The following DLGAP1 variants were observed in gnomAD, a reference collection of about 807,000 sequenced individuals.
DLGAP1 encodes the protein disks large-associated protein 1.
A neutral mutation model predicts 90.8 loss-of-function variants in DLGAP1; 11 were observed. The observed-to-expected ratio is 0.12, with a 90% CI of 0.08 to 0.20. The LOEUF (loss-of-function observed/expected upper bound fraction) is 0.20. DLGAP1 is among the 10% of genes least tolerant of loss of function. The pLI is 1.00. For synonymous variants in DLGAP1, 558 were observed against 540.7 expected (o/e 1.03, Z -0.44); for missense variants, 1,050 against 1,333.8 (o/e 0.79, Z 3.31).
chr18:4,294,407 T>G (rs943341906), intron 1 of DLGAP1: 1 of 151,910 alleles, frequency 6.6e-6, no homozygotes, highest in African/African-American at 2.4e-5. Context: ...CATTCAGAGG[T>G]GGGTATAAGT....
chr18:3,692,240 G>C (rs1320297803), intron 7 of DLGAP1, among the ~76,000 whole-genome samples: 1 of 152,168 alleles, frequency 6.6e-6, no homozygotes, highest in Non-Finnish European at 1.5e-5. Flanking sequence ...TACCAGAGGA[G>C]AGAAGTAATC....
intron 3 of DLGAP1, among the ~76,000 whole-genome samples, chr18:3,954,917 G>T (rs866818929): frequency 6.6e-6 from 1 of 152,150 alleles, no homozygotes; most frequent in Non-Finnish European, 1.5e-5. Flanking sequence ...GTTGCAGCGC[G>T]CAGACTCTCT....
rs1440970218 is a variant in DLGAP1 at position 3,660,530 on chromosome 18, C to T, written c.1591+68605G>A. 5.3e-5 allele frequency among the ~76,000 whole-genome samples: 8 copies of T among 152,294 alleles called. No individual in the cohort carries two copies. The highest frequency in any genetic ancestry group is 2.6e-4 in the Admixed American group (4 of 15,292). On this transcript the variant is annotated intron_variant, in intron 7 of 12. Transcript: ENST00000315677. This position sits in a 1 kb window ranked among gnomAD's most constrained non-coding sequence, Gnocchi z 4.2. ...TACTGAATGAAAAGGTGATCATTCC[C>T]GAGTATCCTCAAGGAGGATCTTATC...
chr18:3,539,830 T>A (rs1453981907), intron 9 of DLGAP1, among the ~76,000 whole-genome samples: 1 of 152,134 alleles, frequency 6.6e-6, no homozygotes, highest in African/African-American at 2.4e-5. Flanking sequence ...TTTAGGAGAG[T>A]AGCTTAGTCT....
chr18:3,651,563 C>T (rs904432798), intron 7 of DLGAP1, among the ~76,000 whole-genome samples: 6 of 151,840 alleles, frequency 4.0e-5, no homozygotes, highest in East Asian at 3.9e-4. Flanking sequence ...GAGGCCAAGG[C>T]GGTCAGATCA....
intron 5 of DLGAP1, among the ~76,000 whole-genome samples, chr18:3,812,102 T>C (rs1234505224): frequency 1.3e-5 from 2 of 152,222 alleles, no homozygotes; most frequent in Admixed American, 1.3e-4. Flanking sequence ...CCGGTTTAAG[T>C]GACTTTCTTG....
intron 2 of DLGAP1, among the ~76,000 whole-genome samples, chr18:4,055,427 G>T (rs1294906708): frequency 1.3e-5 from 2 of 152,144 alleles, no homozygotes; most frequent in Non-Finnish European, 2.9e-5. Flanking sequence ...TATCCTCACT[G>T]TCCTCCCATG....
intron 1 of DLGAP1, among the ~76,000 whole-genome samples, chr18:4,407,576 T>C (rs1389353828): frequency 6.6e-6 from 1 of 152,096 alleles, no homozygotes; most frequent in Non-Finnish European, 1.5e-5. Context: ...CCCTCAATCA[T>C]GTATCTAAAA....
At chr18:3,799,983 T>G (rs2066211456) in intron 5 of DLGAP1, among the ~76,000 whole-genome samples, 1 of 152,082 alleles carries the variant, frequency 6.6e-6, no homozygotes. Context: ...TTACCACTGC[T>G]GTAAGTTAAA....
intron 9 of DLGAP1, among the ~76,000 whole-genome samples, chr18:3,551,599 C>T (rs1266469493): frequency 5.6e-5 from 3 of 53,194 alleles, no homozygotes; most frequent in Non-Finnish European, 1.0e-4. Flanking sequence ...CTTTCTTTTT[C>T]TTTTTCTTTC....
intron 4 of DLGAP1, among the ~76,000 whole-genome samples, chr18:3,867,760 T>C (rs1214031083): frequency 6.6e-6 from 1 of 152,136 alleles, no homozygotes; most frequent in East Asian, 1.9e-4. Flanking sequence ...AAATAGAATC[T>C]AATAAATAAA....
At chr18:3,534,681 CCTTCCTTT>C in intron 9 of DLGAP1, 66 bp from the exon 10 acceptor site, 1 of 1,346,256 alleles carries the variant, frequency 7.4e-7, no homozygotes, top group Non-Finnish European at 9.9e-7. Flanking sequence ...TTCCTTCCTT[CCTTCCTTT>C]CTTTCTTTTT....
intron 2 of DLGAP1, among the ~76,000 whole-genome samples, chr18:4,033,711 C>T (rs2074837206): frequency 1.3e-5 from 2 of 150,960 alleles, no homozygotes; most frequent in African/African-American, 4.9e-5. Flanking sequence ...TTATTTTGCA[C>T]TTCCCTGATT....
At chr18:3,718,143 G>A (rs1449710858) in intron 7 of DLGAP1, among the ~76,000 whole-genome samples, 1 of 152,026 alleles carries the variant, frequency 6.6e-6, no homozygotes, top group Non-Finnish European at 1.5e-5. Flanking sequence ...TTATTTAAAG[G>A]GATATAGCAA....
intron 1 of DLGAP1, among the ~76,000 whole-genome samples, chr18:4,339,952 C>G (rs1052935430): frequency 6.6e-6 from 1 of 151,904 alleles, no homozygotes; most frequent in East Asian, 1.9e-4. Context: ...ATATTTAAAC[C>G]CTTAACTCTC....
intron 3 of DLGAP1, chr18:3,995,792 A>G (rs2074057991): frequency 6.6e-6 from 1 of 151,744 alleles, no homozygotes; most frequent in African/African-American, 2.4e-5. Context: ...TGCTATAGAG[A>G]ATGTAAGATA....
At chr18:4,047,801 A>T (rs1345728036) in intron 2 of DLGAP1, among the ~76,000 whole-genome samples, 1 of 152,080 alleles carries the variant, frequency 6.6e-6, no homozygotes, top group Non-Finnish European at 1.5e-5. Context: ...GTAAAAACTT[A>T]TTTTTTAGTT....
chr18:3,961,419 T>C (rs577591151), intron 3 of DLGAP1, among the ~76,000 whole-genome samples: 1 of 152,268 alleles, frequency 6.6e-6, no homozygotes, highest in South Asian at 2.1e-4. Context: ...TCCCCGTCTT[T>C]CTTGCTCTGT....
chr18:4,288,877 G>A (rs1250732239), intron 1 of DLGAP1, among the ~76,000 whole-genome samples: 1 of 152,074 alleles, frequency 6.6e-6, no homozygotes, highest in Non-Finnish European at 1.5e-5. Flanking sequence ...TAATTTCTTT[G>A]GGGGAGATAA....
Sources: gnomAD v4.1 joint callset for allele counts (sites outside exome capture counted in the v4.1 genomes callset) on GRCh38, gnomAD v4.1.1 for gene constraint, Gnocchi (gnomAD v3.1) non-coding constraint, MANE v1.5 for transcripts, NCBI Gene and HGNC (gene_info 2026-07-23, HGNC 2026-07-21) for gene names.